Variants in THSD7B observed in about 807,000 individuals in gnomAD.
THSD7B encodes the protein thrombospondin type-1 domain-containing protein 7B.
Under a neutral mutation model 213.6 loss-of-function variants are expected in THSD7B, and 138 were observed. The observed-to-expected ratio is 0.65, with a 90% CI of 0.56 to 0.74. The LOEUF is 0.74. Ranked by LOEUF, THSD7B falls within the 30% of genes least tolerant of loss-of-function variation. THSD7B has a pLI of 0.00. For missense variants in THSD7B, 1,931 were observed against 1,991.5 expected (o/e 0.97, Z 0.58); for synonymous variants, 742 against 687.0 (o/e 1.08, Z -1.25).
intron 15 of THSD7B, among the ~76,000 whole-genome samples, chr2:137,471,126 G>A (rs922529163): frequency 4.6e-5 from 7 of 151,754 alleles, no homozygotes; most frequent in African/African-American, 1.7e-4. Flanking sequence ...TTGCTGTGTT[G>A]TCCAGGCTGG....
intron 7 of THSD7B, among the ~76,000 whole-genome samples, chr2:137,203,924 A>G (rs1197994141): frequency 6.6e-6 from 1 of 152,012 alleles, no homozygotes; most frequent in Non-Finnish European, 1.5e-5. Context: ...TCTCCTCACA[A>G]CCTTTTCCTT....
At chr2:137,486,696 G>T (rs1035484937) in intron 15 of THSD7B, among the ~76,000 whole-genome samples, 2,471 of 152,020 alleles carry the variant, frequency 0.016, 66 homozygotes, top group African/African-American at 0.055. Flanking sequence ...ATACATTTTT[G>T]TCAGCACCAC....
At chr2:137,352,320 A>G (rs1464570758) in intron 12 of THSD7B, among the ~76,000 whole-genome samples, 6 of 151,862 alleles carry the variant, frequency 4.0e-5, no homozygotes, top group Non-Finnish European at 5.9e-5. Flanking sequence ...TTAATGGGCA[A>G]ATGTTTGAGA....
chr2:137,178,370 T>G (rs1680397437), intron 7 of THSD7B, among the ~76,000 whole-genome samples: 1 of 152,162 alleles, frequency 6.6e-6, no homozygotes. Flanking sequence ...TGGTAGCAGT[T>G]TGGTGTCAGT....
intron 1 of THSD7B, among the ~76,000 whole-genome samples, chr2:136,853,031 T>C (rs960304732): frequency 5.9e-5 from 9 of 151,908 alleles, no homozygotes; most frequent in African/African-American, 2.2e-4. Flanking sequence ...CATGTGTGTG[T>C]GTGTGCATGT....
chr2:137,526,091 C>G (rs983082963), intron 15 of THSD7B, among the ~76,000 whole-genome samples: 13 of 152,050 alleles, frequency 8.5e-5, no homozygotes, highest in African/African-American at 2.4e-5. Flanking sequence ...TCCCTCCTTC[C>G]CCTGGTTTTA....
chr2:137,276,583 TATC>T (rs1682879546), intron 12 of THSD7B, among the ~76,000 whole-genome samples: 1 of 152,120 alleles, frequency 6.6e-6, no homozygotes, highest in South Asian at 2.1e-4. Flanking sequence ...AACTGCTTTT[TATC>T]ATCAATGTCT....
chr2:137,555,877 T>C (rs1294228992), intron 15 of THSD7B, among the ~76,000 whole-genome samples: 4 of 152,124 alleles, frequency 2.6e-5, no homozygotes, highest in Admixed American at 1.3e-4. Context: ...AACCATGGCA[T>C]GAGAACTACG....
In THSD7B at chr2:137,616,191, C is replaced by G. The variant is rs750225278; in HGVS notation, c.3440C>G (p.Thr1147Arg). ...SKCPQSCDPH[T>R]MQRRTRHLLR... ...TTTTAATAGTCATGCGATCCCCACA[C>G]AATGCAGAGAAGAACTCGCCACCTG... The change falls in exon 18 of 28, where the codon ACA becomes AGA. Residue 1147 changes from threonine to arginine, a missense_variant. Physicochemically the swap from Thr to Arg is moderately conservative, Grantham distance 71 (BLOSUM62 -1). Coordinates refer to ENST00000409968, the MANE Select transcript of THSD7B (RefSeq NM_001316349.2). The G allele has an allele frequency of 6.2e-7, 1 of 1,613,142 alleles. No homozygotes were observed. The highest frequency in any genetic ancestry group is 8.5e-7 in the Non-Finnish European group (1 of 1,179,542).
chr2:136,828,227 C>T (rs1211339719), intron 1 of THSD7B, among the ~76,000 whole-genome samples: 1 of 152,196 alleles, frequency 6.6e-6, no homozygotes, highest in Non-Finnish European at 1.5e-5. Flanking sequence ...TCATCATCCT[C>T]TCTTTCTCTG....
In THSD7B at chr2:137,208,849, G is replaced by C. The variant is rs78770413; in HGVS notation, c.1724-22195G>C. ...CAAAAGTCTGAAAAACATCTCAAAAGGCTAATCTTAGGATCTACAATAGCA... is the reference window on the plus strand; with the variant it reads ...CAAAAGTCTGAAAAACATCTCAAAACGCTAATCTTAGGATCTACAATAGCA... On this transcript the variant is annotated intron_variant, in intron 7 of 27. Coordinates refer to ENST00000409968, the MANE Select transcript of THSD7B (RefSeq NM_001316349.2). 6.5e-3 allele frequency among the ~76,000 whole-genome samples: 992 copies of C among 152,110 alleles called. 12 individuals are homozygous for C. Among genetic ancestry groups the C allele is most frequent in the African/African-American group, 0.022 (909 of 41,516 alleles).
At chr2:137,615,008 CTT>C (rs1305572956) in intron 17 of THSD7B, among the ~76,000 whole-genome samples, 1 of 152,106 alleles carries the variant, frequency 6.6e-6, no homozygotes, top group Non-Finnish European at 1.5e-5. Flanking sequence ...TTTCCCATGA[CTT>C]AAGAATCTAT....
At chr2:137,342,764 AT>A (rs1160511644) in intron 12 of THSD7B, among the ~76,000 whole-genome samples, 6 of 151,342 alleles carry the variant, frequency 4.0e-5, no homozygotes, top group South Asian at 2.1e-4. Context: ...GAATTTGTCA[AT>A]TTTTTTATAC....
At chr2:137,440,785 G>A (rs1012650623) in intron 14 of THSD7B, among the ~76,000 whole-genome samples, 1 of 152,024 alleles carries the variant, frequency 6.6e-6, no homozygotes, top group African/African-American at 2.4e-5. Flanking sequence ...CTACTATTCT[G>A]GTCCAATATA....
At chr2:136,988,650 T>C (rs1685710361) in intron 2 of THSD7B, among the ~76,000 whole-genome samples, 1 of 152,224 alleles carries the variant, frequency 6.6e-6, no homozygotes, top group South Asian at 2.1e-4. Flanking sequence ...AACTTATCAC[T>C]TGAGAAGTCT....
At chr2:137,528,421 G>A (rs1448907) in intron 15 of THSD7B, among the ~76,000 whole-genome samples, 43,730 of 151,894 alleles carry the variant, frequency 0.29, 6,864 homozygotes, top group African/African-American at 0.41. Context: ...TTTATGAGGC[G>A]CATGTGGGAC....
chr2:137,387,019 A>C (rs1462797988), intron 12 of THSD7B, among the ~76,000 whole-genome samples: 1 of 152,246 alleles, frequency 6.6e-6, no homozygotes, highest in Non-Finnish European at 1.5e-5. Context: ...AAAGAATCAG[A>C]TAACAGGGGG....
chr2:136,903,244 T>C (rs902483038), intron 2 of THSD7B, among the ~76,000 whole-genome samples: 1 of 152,192 alleles, frequency 6.6e-6, no homozygotes, highest in East Asian at 1.9e-4. Context: ...CCGTAGGAGA[T>C]AGAATCATCA....
At chr2:137,305,256 A>G (rs966604665) in intron 12 of THSD7B, among the ~76,000 whole-genome samples, 13 of 152,162 alleles carry the variant, frequency 8.5e-5, no homozygotes, top group African/African-American at 3.1e-4. Flanking sequence ...AGTCGGGATC[A>G]AAAGCAGAAC....
Sources: allele counts gnomAD v4.1 joint callset (sites outside exome capture counted in the v4.1 genomes callset), GRCh38; gene constraint gnomAD v4.1.1; transcripts MANE v1.5; gene names NCBI Gene and HGNC (gene_info 2026-07-23, HGNC 2026-07-21).